The following SORCS2 variants were observed in gnomAD, a reference collection of about 807,000 sequenced individuals.
The protein encoded by SORCS2 is VPS10 domain-containing receptor SorCS2.
SORCS2 carries 100 observed loss-of-function variants against 141.6 expected under a neutral mutation model. That is an observed-to-expected ratio of 0.71 (90% CI 0.60 to 0.83). SORCS2 has a LOEUF of 0.83. Among genes scored for constraint, SORCS2 ranks in the 40% least tolerant of loss-of-function variants. The pLI, the probability that SORCS2 is intolerant of heterozygous loss-of-function variation, is 0.00. For synonymous variants in SORCS2, 789 were observed against 676.9 expected (o/e 1.17, Z -2.57); for missense variants, 1,646 against 1,560.2 (o/e 1.05, Z -0.93).
intron 1 of SORCS2, among the ~76,000 whole-genome samples, chr4:7,219,876 C>T (rs1011645430): frequency 3.3e-5 from 5 of 152,218 alleles, no homozygotes; most frequent in African/African-American, 2.4e-5. Flanking sequence ...CCGCAGCAGC[C>T]GCACTGTGAG....
rs532161913 is a variant in SORCS2, at chr4:7,351,683, G to GTCCA, written c.481-44581_481-44578dup. On this transcript the variant is annotated intron_variant, in intron 1 of 26. Coordinates refer to ENST00000507866, the MANE Select transcript of SORCS2 (RefSeq NM_020777.3). ...CCCTTCCTCTCCCTCTCTTCCATCCGTCCATCCATCCATCCATCCATCCAT... is the reference window on the plus strand; with the variant it reads ...CCCTTCCTCTCCCTCTCTTCCATCCGTCCATCCATCCATCCATCCATCCATCCAT... Among the ~76,000 whole-genome samples, 1,213 of 139,798 alleles carry GTCCA rather than the reference G, an allele frequency of 8.7e-3. 6 individuals carry two copies. Among genetic ancestry groups the GTCCA allele is most frequent in the Non-Finnish European group, 0.012 (743 of 64,126 alleles). 91.7% of individuals were successfully genotyped at this position (139,798 alleles called of 152,430 possible). A position where few individuals can be genotyped will look rare whatever the true frequency, so the allele number is the denominator to read the frequency against.
rs113801968 is a variant in SORCS2 at position 7,486,895 on chromosome 4, C to T, written c.549-44635C>T. Reference sequence around the variant, plus strand: ...ATCATTAAGATCTTTAACTTAATTACATCTGCTAAGATCCTTTCTCCAAAT... The same window carrying T: ...ATCATTAAGATCTTTAACTTAATTATATCTGCTAAGATCCTTTCTCCAAAT... On this transcript the variant is annotated intron_variant, in intron 2 of 26. Coordinates refer to ENST00000507866, the MANE Select transcript of SORCS2 (RefSeq NM_020777.3). Among the ~76,000 whole-genome samples the T allele has an allele frequency of 1.0e-3, 158 of 152,382 alleles. 1 individual carries two copies. Among genetic ancestry groups the T allele is most frequent in the Middle Eastern group, 6.8e-3 (2 of 294 alleles).
intron 2 of SORCS2, among the ~76,000 whole-genome samples, chr4:7,502,201 A>G (rs1186267946): frequency 6.6e-6 from 1 of 152,162 alleles, no homozygotes; most frequent in Admixed American, 6.5e-5. Flanking sequence ...CTCAAGATCT[A>G]CTTGTCCATT....
chr4:7,576,589 C>A (rs1384681019), intron 3 of SORCS2, among the ~76,000 whole-genome samples: 2 of 152,134 alleles, frequency 1.3e-5, no homozygotes, highest in Non-Finnish European at 1.5e-5. Flanking sequence ...GGAAAAGACC[C>A]AAAGAGCTGG....
chr4:7,239,373 C>T (rs144074926), intron 1 of SORCS2, among the ~76,000 whole-genome samples: 2 of 152,268 alleles, frequency 1.3e-5, no homozygotes, highest in East Asian at 3.8e-4. Flanking sequence ...CCCTGCTGGT[C>T]TCTATACCTG....
chr4:7,381,039 G>T (rs192903491), intron 1 of SORCS2, among the ~76,000 whole-genome samples: 1 of 139,892 alleles, frequency 7.1e-6, no homozygotes, highest in Admixed American at 8.3e-5. Flanking sequence ...CTGAGATTGC[G>T]CCACTGCACT....
At chr4:7,445,155 A>G (rs1727905539) in intron 2 of SORCS2, among the ~76,000 whole-genome samples, 1 of 152,222 alleles carries the variant, frequency 6.6e-6, no homozygotes, top group South Asian at 2.1e-4. Flanking sequence ...TGGGAGGCAG[A>G]TGGAGACCTC....
chr4:7,689,846 A>G (rs1387255561), intron 11 of SORCS2, among the ~76,000 whole-genome samples: 1 of 148,876 alleles, frequency 6.7e-6, no homozygotes, highest in Admixed American at 6.7e-5. Context: ...GGATGGATGG[A>G]CAGACAAATT....
intron 1 of SORCS2, among the ~76,000 whole-genome samples, chr4:7,299,339 C>T (rs1401565802): frequency 1.3e-5 from 2 of 152,182 alleles, no homozygotes; most frequent in South Asian, 2.1e-4. Flanking sequence ...CAGTCCAGGG[C>T]CCTGGATCCC....
rs184914239 is a variant in SORCS2, at chr4:7,729,757, C to T, written c.3108+45C>T. 10 of 1,584,572 alleles carry T rather than the reference C, an allele frequency of 6.3e-6. No homozygotes were observed. The African/African-American group carries it at 8.1e-5, about 13-fold the overall frequency. On this transcript the variant is annotated intron_variant, in intron 23 of 26. Transcript: ENST00000507866. ...CACTCCCAGGTCCTCCCTGCACATC[C>T]CAGGGCTCGGGTCATTTACAACAAG...
rs2109048835 is a variant in SORCS2 at position 7,718,121 on chromosome 4, C to G, written c.2362C>G (p.Gln788Glu). 6.2e-7 allele frequency: 1 copy of G among 1,612,102 alleles called. No homozygotes were observed. Among genetic ancestry groups the G allele is most frequent in the South Asian group, 1.1e-5 (1 of 90,718 alleles). The change falls in exon 18 of 27, where the codon CAA (glutamine) becomes GAA (glutamate). Residue 788 changes from glutamine to glutamate, a missense_variant. By Grantham distance (29) the Gln-to-Glu change is conservative. Coordinates refer to ENST00000507866, the MANE Select transcript of SORCS2 (RefSeq NM_020777.3). ...TPPRGLQVSIQGEAVAVRPGE... is the reference protein window; with the variant it reads ...TPPRGLQVSIEGEAVAVRPGE... ...GCCCCGGGGCCTGCAGGTCAGCATT[C>G]AAGGCGAGGCGGTGGCCGTGCGGCC... is the stretch of plus-strand genomic sequence containing the variant.
chr4:7,312,383 C>A (rs988784131), intron 1 of SORCS2, among the ~76,000 whole-genome samples: 1 of 152,216 alleles, frequency 6.6e-6, no homozygotes, highest in Non-Finnish European at 1.5e-5. Flanking sequence ...TGCACCCAAG[C>A]TGGGATGCCC....
At chr4:7,498,020 A>T (rs563785729) in intron 2 of SORCS2, among the ~76,000 whole-genome samples, 8 of 152,276 alleles carry the variant, frequency 5.3e-5, no homozygotes, top group Non-Finnish European at 8.8e-5. Context: ...GGGCTTGGAG[A>T]TTCATCTCCT....
intron 25 of SORCS2, 136 bp from the exon 26 acceptor site, chr4:7,736,933 C>A: frequency 8.8e-7 from 1 of 1,140,262 alleles, no homozygotes; most frequent in African/African-American, 1.6e-5. Context: ...AAACTTGGGG[C>A]TGGGGTAGGC....
chr4:7,363,013 C>G (rs569166439), intron 1 of SORCS2, among the ~76,000 whole-genome samples: 20 of 150,150 alleles, frequency 1.3e-4, no homozygotes, highest in African/African-American at 5.0e-4. Flanking sequence ...CTGCTATCAT[C>G]ATCACCATCA....
rs146603712 is a variant in SORCS2, at chr4:7,618,302, A to G, written c.649-20026A>G. On this transcript the variant is annotated intron_variant, in intron 3 of 26. Transcript: ENST00000507866. The stretch of plus-strand genomic sequence containing the variant: ...TGCTGCACAGTGAGTTCTCCAAACC[A>G]CGAGACCTTTGTCCACATTTCAGCC... 3.0e-3 allele frequency among the ~76,000 whole-genome samples: 448 copies of G among 151,744 alleles called. 2 individuals carry two copies. Among genetic ancestry groups the G allele is most frequent in the African/African-American group, 0.01 (429 of 41,338 alleles).
At chr4:7,428,289 A>G (rs759290760) in intron 2 of SORCS2, among the ~76,000 whole-genome samples, 29 of 152,226 alleles carry the variant, frequency 1.9e-4, no homozygotes, top group Non-Finnish European at 3.7e-4. Context: ...GGGCGGCATC[A>G]GCACAAAGGG....
chr4:7,193,594 C>A lies in SORCS2; in HGVS notation c.480+468C>A, dbSNP rs1047606461. On this transcript the variant is annotated intron_variant, in intron 1 of 26. Transcript: ENST00000507866. This position sits in a 1 kb window ranked among gnomAD's most constrained non-coding sequence, Gnocchi z 4.8. ...GACTCCGCGGTGGCGCCTCCGCAGG[C>A]TCCGGGACTTCCCCGGTCAGCTCGA... 1.3e-5 allele frequency among the ~76,000 whole-genome samples: 2 copies of A among 152,150 alleles called. No homozygotes were observed. Among genetic ancestry groups the A allele is most frequent in the South Asian group, 4.1e-4 (2 of 4,826 alleles).
At chr4:7,576,215 C>A (rs1715742705) in intron 3 of SORCS2, among the ~76,000 whole-genome samples, 1 of 152,188 alleles carries the variant, frequency 6.6e-6, no homozygotes, top group Non-Finnish European at 1.5e-5. Context: ...GCTGTTCCAG[C>A]AAAGACAAAG....
Sources: allele counts gnomAD v4.1 joint callset (sites outside exome capture counted in the v4.1 genomes callset), GRCh38; gene constraint gnomAD v4.1.1; non-coding constraint Gnocchi (gnomAD v3.1); transcripts MANE v1.5; gene names NCBI Gene and HGNC (gene_info 2026-07-23, HGNC 2026-07-21).